KCNQ5: variants seen among roughly 807,000 people sequenced by gnomAD.
KCNQ5 encodes the protein potassium voltage-gated channel subfamily Q member 5.
Under a neutral mutation model 98.2 loss-of-function variants are expected in KCNQ5, and 30 were observed. That is an observed-to-expected ratio of 0.31 (90% CI 0.23 to 0.41). KCNQ5 has a LOEUF of 0.41. Ranked by LOEUF, KCNQ5 falls within the 10% of genes least tolerant of loss-of-function variation. The pLI is 1.00. For synonymous variants in KCNQ5, 458 were observed against 449.4 expected, an observed-to-expected ratio of 1.02 and a Z score of -0.24; for missense variants, 835 against 1,182.5, an observed-to-expected ratio of 0.71 and a Z score of 4.31.
At chr6:73,148,580 A>C (rs2150477850) in intron 10 of KCNQ5, among the ~76,000 whole-genome samples, 1 of 152,356 alleles carries the variant, frequency 6.6e-6, no homozygotes, top group Middle Eastern at 3.4e-3. Flanking sequence ...AACCTAGTTT[A>C]TTGTGGTTGC....
chr6:73,033,158 G>A (rs1352805109), intron 2 of KCNQ5, among the ~76,000 whole-genome samples: 1 of 152,056 alleles, frequency 6.6e-6, no homozygotes, highest in Non-Finnish European at 1.5e-5. Flanking sequence ...GCAGCGAGGG[G>A]TAAACCAGGA....
chr6:72,732,482 A>G (rs1356121815), intron 1 of KCNQ5, among the ~76,000 whole-genome samples: 1 of 152,176 alleles, frequency 6.6e-6, no homozygotes, highest in Non-Finnish European at 1.5e-5. Context: ...GAGTGTGTGA[A>G]GTCTAGCAAG....
chr6:72,814,579 G>C (rs1582342897), intron 1 of KCNQ5, among the ~76,000 whole-genome samples: 1 of 152,266 alleles, frequency 6.6e-6, no homozygotes, highest in East Asian at 1.9e-4. Flanking sequence ...TTTAAATTCT[G>C]TATGGCTTTC....
chr6:72,711,287 C>A (rs1205705757), intron 1 of KCNQ5, among the ~76,000 whole-genome samples: 2 of 152,014 alleles, frequency 1.3e-5, no homozygotes, highest in Non-Finnish European at 2.9e-5. Flanking sequence ...CCAACCCTGC[C>A]AACACCATGA....
chr6:72,728,191 C>T (rs1770384201), intron 1 of KCNQ5, among the ~76,000 whole-genome samples: 1 of 152,066 alleles, frequency 6.6e-6, no homozygotes, highest in African/African-American at 2.4e-5. Context: ...ATGCAATATA[C>T]CATGTTCCAC....
At chr6:73,003,662 G>A (rs891052777) in intron 1 of KCNQ5, among the ~76,000 whole-genome samples, 29 of 152,120 alleles carry the variant, frequency 1.9e-4, no homozygotes, top group African/African-American at 6.8e-4. Context: ...TTTAAATGCA[G>A]CATGCCACAC....
chr6:72,739,590 A>G (rs980937949), intron 1 of KCNQ5, among the ~76,000 whole-genome samples: 1 of 152,218 alleles, frequency 6.6e-6, no homozygotes, highest in African/African-American at 2.4e-5. Context: ...ATTCTTTCTT[A>G]GAAATGATAA....
rs556514062 is a variant in KCNQ5 at position 73,023,055 on chromosome 6, T to C, written c.490-18881T>C. 4.6e-5 allele frequency among the ~76,000 whole-genome samples: 7 copies of C among 152,278 alleles called. No individual in the cohort carries two copies. In the South Asian group the frequency reaches 1.0e-3, roughly 23 times the overall value. On this transcript the variant is annotated intron_variant, in intron 2 of 13. Transcript: ENST00000370398. ...ACTATGTCTTGAGGAATAACTGGAATGGAGAAGGAATAGTGGAGGGCAGGA... is the reference window on the plus strand; with the variant it reads ...ACTATGTCTTGAGGAATAACTGGAACGGAGAAGGAATAGTGGAGGGCAGGA...
At chr6:72,915,427 T>C (rs910152984) in intron 1 of KCNQ5, among the ~76,000 whole-genome samples, 1 of 152,142 alleles carries the variant, frequency 6.6e-6, no homozygotes, top group Non-Finnish European at 1.5e-5. Context: ...TTCATGCTTT[T>C]TGTTCTTTTA....
chr6:73,056,720 A>C (rs1446426175), intron 3 of KCNQ5, among the ~76,000 whole-genome samples: 1 of 152,206 alleles, frequency 6.6e-6, no homozygotes, highest in Non-Finnish European at 1.5e-5. Context: ...TAACTGTACT[A>C]AATCCTTTTT....
At chr6:72,767,714 G>A (rs181883257) in intron 1 of KCNQ5, among the ~76,000 whole-genome samples, 30 of 152,100 alleles carry the variant, frequency 2.0e-4, no homozygotes, top group Admixed American at 2.0e-3. Flanking sequence ...ATACGCAGAT[G>A]GCAAGTAATA....
At chr6:72,643,849 TG>T (rs1301968897) in intron 1 of KCNQ5, among the ~76,000 whole-genome samples, 1 of 152,150 alleles carries the variant, frequency 6.6e-6, no homozygotes, top group Non-Finnish European at 1.5e-5. Context: ...AGCATAAGAA[TG>T]TTCCCTGAAA....
rs182908859 is a variant in KCNQ5, at chr6:73,127,511, C to T, written c.1247+2999C>T. On this transcript the variant is annotated intron_variant, in intron 9 of 13. Coordinates refer to ENST00000370398, the MANE Select transcript of KCNQ5 (RefSeq NM_019842.4). ...AACATCCGCCTCTGGGTGCCTGGCA[C>T]TCTCACCAAAGGACGGAGCCATGAC... Among the ~76,000 whole-genome samples, 315 of 152,346 alleles carry T rather than the reference C, an allele frequency of 2.1e-3. 2 individuals carry two copies. The highest frequency in any genetic ancestry group is 7.1e-3 in the African/African-American group (297 of 41,572).
rs184028178 is a variant in KCNQ5 at position 73,163,506 on chromosome 6, G to A, written c.1469-6240G>A. 9.9e-4 allele frequency among the ~76,000 whole-genome samples: 151 copies of A among 152,322 alleles called. 1 individual carries two copies. Among genetic ancestry groups the A allele is most frequent in the Non-Finnish European group, 1.8e-3 (122 of 68,022 alleles). On this transcript the variant is annotated intron_variant, in intron 10 of 13. Transcript: ENST00000370398. ...TCACACCTGTAATCCTAACACTTTGGGAGGTCGAGGCCGGTGGATCACCTG... is the reference window on the plus strand; with the variant it reads ...TCACACCTGTAATCCTAACACTTTGAGAGGTCGAGGCCGGTGGATCACCTG...
intron 2 of KCNQ5, among the ~76,000 whole-genome samples, chr6:73,031,152 T>G (rs963211080): frequency 2.6e-5 from 4 of 152,274 alleles, no homozygotes; most frequent in African/African-American, 7.2e-5. Context: ...GTGTAACCAT[T>G]AGTGAAAAAT....
intron 1 of KCNQ5, among the ~76,000 whole-genome samples, chr6:72,912,388 A>C (rs568982157): frequency 1.3e-5 from 2 of 152,318 alleles, no homozygotes; most frequent in East Asian, 3.9e-4. Context: ...CCTTCTTGTT[A>C]ATCCAGGGTC....
intron 2 of KCNQ5, among the ~76,000 whole-genome samples, chr6:73,037,305 C>A (rs1255523900): frequency 6.6e-6 from 1 of 152,086 alleles, no homozygotes. Flanking sequence ...CATTTTCTCC[C>A]AGTCTATGGC....
At chr6:72,855,859 G>A (rs1344199525) in intron 1 of KCNQ5, among the ~76,000 whole-genome samples, 1 of 152,138 alleles carries the variant, frequency 6.6e-6, no homozygotes, top group Non-Finnish European at 1.5e-5. Context: ...TAAAATTGTT[G>A]CCTGAAATTT....
chr6:73,050,414 T>C (rs1772180911), intron 3 of KCNQ5, among the ~76,000 whole-genome samples: 1 of 152,194 alleles, frequency 6.6e-6, no homozygotes, highest in Non-Finnish European at 1.5e-5. Flanking sequence ...TGTTTTATTT[T>C]GGAATAACTT....
Sources: allele counts gnomAD v4.1 joint callset (sites outside exome capture counted in the v4.1 genomes callset), GRCh38; gene constraint gnomAD v4.1.1; transcripts MANE v1.5; gene names NCBI Gene and HGNC (gene_info 2026-07-23, HGNC 2026-07-21).